Variants in KCNIP4 observed in about 807,000 individuals in gnomAD.
KCNIP4 encodes the protein Kv channel-interacting protein 4.
A neutral mutation model predicts 34.0 loss-of-function variants in KCNIP4; 12 were observed. The ratio of observed to expected loss-of-function variants is 0.35; its 90% CI spans 0.23 to 0.57. KCNIP4 has a LOEUF of 0.57. Ranked by LOEUF, KCNIP4 falls within the 20% of genes least tolerant of loss-of-function variation. The pLI is 0.83. For missense variants in KCNIP4, 238 were observed against 311.7 expected (o/e 0.76, Z 1.78); for synonymous variants, 124 against 102.2 (o/e 1.21, Z -1.29).
At chr4:21,509,205 C>G (rs1734102020) in intron 1 of KCNIP4, among the ~76,000 whole-genome samples, 1 of 152,130 alleles carries the variant, frequency 6.6e-6, no homozygotes, top group Non-Finnish European at 1.5e-5. Flanking sequence ...TGCTAACCAG[C>G]ATGTAAGGGG....
intron 1 of KCNIP4, among the ~76,000 whole-genome samples, chr4:21,947,059 C>T (rs950253185): frequency 6.6e-6 from 1 of 152,158 alleles, no homozygotes; most frequent in Admixed American, 6.5e-5. Flanking sequence ...GATCCTGAGA[C>T]GACATTCCTG....
intron 1 of KCNIP4, among the ~76,000 whole-genome samples, chr4:21,786,960 A>C (rs1381301736): frequency 6.6e-6 from 1 of 152,184 alleles, no homozygotes; most frequent in Non-Finnish European, 1.5e-5. Context: ...CATTTCTGCC[A>C]GGTGAAGGTA....
At chr4:21,895,743 A>G (rs1357572103) in intron 1 of KCNIP4, among the ~76,000 whole-genome samples, 17 of 152,226 alleles carry the variant, frequency 1.1e-4, no homozygotes, top group Admixed American at 1.1e-3. Context: ...ATGAACAAAA[A>G]GGAGCTAATT....
chr4:21,382,893 A>G (rs373867077), intron 1 of KCNIP4, among the ~76,000 whole-genome samples: 7 of 152,214 alleles, frequency 4.6e-5, no homozygotes, highest in African/African-American at 1.7e-4. Context: ...AACAGTGATT[A>G]CCACCATTTG....
intron 1 of KCNIP4, among the ~76,000 whole-genome samples, chr4:20,995,788 A>C (rs1737498768): frequency 6.6e-6 from 1 of 152,186 alleles, no homozygotes; most frequent in Non-Finnish European, 1.5e-5. Context: ...TGTGCAAAAA[A>C]ATGTTGACAC....
chr4:21,113,134 C>A (rs1488135448), intron 1 of KCNIP4, among the ~76,000 whole-genome samples: 3 of 152,160 alleles, frequency 2.0e-5, no homozygotes, highest in African/African-American at 7.2e-5. Flanking sequence ...AGAGAAGCTA[C>A]AATTACAGCA....
intron 1 of KCNIP4, among the ~76,000 whole-genome samples, chr4:21,553,977 C>CACA (rs1311796448): frequency 6.6e-6 from 1 of 152,028 alleles, no homozygotes; most frequent in Non-Finnish European, 1.5e-5. Context: ...GGGGAAGGGG[C>CACA]ACAATTCAAC....
chr4:20,893,523 AG>A (rs1726170862), intron 1 of KCNIP4, among the ~76,000 whole-genome samples: 1 of 151,978 alleles, frequency 6.6e-6, no homozygotes. Context: ...CCTGGGCTCA[AG>A]TGATCCTCCC....
chr4:21,624,048 G>A (rs974719412), intron 1 of KCNIP4, among the ~76,000 whole-genome samples: 1 of 152,074 alleles, frequency 6.6e-6, no homozygotes, highest in African/African-American at 2.4e-5. Context: ...CTCACTCCAG[G>A]CAGCAATTAG....
At chr4:21,408,737 G>C (rs1242747552) in intron 1 of KCNIP4, among the ~76,000 whole-genome samples, 1 of 152,156 alleles carries the variant, frequency 6.6e-6, no homozygotes, top group Non-Finnish European at 1.5e-5. Flanking sequence ...CCAAGTTGTG[G>C]GTCTTGATCA....
chr4:21,380,470 AGAGAGG>A (rs1721397774), intron 1 of KCNIP4, among the ~76,000 whole-genome samples: 1 of 149,010 alleles, frequency 6.7e-6, no homozygotes, highest in Admixed American at 6.7e-5. Flanking sequence ...AGAGAGAGAG[AGAGAGG>A]GAGAGAGAGA....
chr4:21,065,729 TATA>T (rs1560690213), intron 1 of KCNIP4, among the ~76,000 whole-genome samples: 785 of 34,814 alleles, frequency 0.023, 10 homozygotes, highest in African/African-American at 0.06. Context: ...CATTTGTCTA[TATA>T]TATATATATA....
At chr4:21,541,361 C>A (rs1209743083) in intron 1 of KCNIP4, among the ~76,000 whole-genome samples, 1 of 152,082 alleles carries the variant, frequency 6.6e-6, no homozygotes, top group Non-Finnish European at 1.5e-5. Context: ...CATTCCTATG[C>A]TGATAAACCT....
chr4:21,105,071 A>T (rs1240754711), intron 1 of KCNIP4, among the ~76,000 whole-genome samples: 2 of 151,586 alleles, frequency 1.3e-5, no homozygotes, highest in Non-Finnish European at 2.9e-5. Flanking sequence ...TTGACTTGGC[A>T]ATGTGGTCTC....
intron 1 of KCNIP4, among the ~76,000 whole-genome samples, chr4:21,171,996 T>C (rs192435962): frequency 2.0e-5 from 3 of 152,286 alleles, no homozygotes; most frequent in Non-Finnish European, 2.9e-5. Context: ...TACTGAGCAC[T>C]TACCATGTAA....
At chr4:21,581,389 C>T (rs540514249) in intron 1 of KCNIP4, among the ~76,000 whole-genome samples, 2 of 151,972 alleles carry the variant, frequency 1.3e-5, no homozygotes, top group African/African-American at 2.4e-5. Flanking sequence ...CCATACAAAA[C>T]GTATTGATCC....
chr4:21,354,276 AG>A (rs1230103855), intron 1 of KCNIP4, among the ~76,000 whole-genome samples: 1 of 152,226 alleles, frequency 6.6e-6, no homozygotes, highest in Non-Finnish European at 1.5e-5. Context: ...TCATAATGAC[AG>A]GATCAAATTC....
chr4:21,556,022 T>C (rs1194137047), intron 1 of KCNIP4, among the ~76,000 whole-genome samples: 2 of 152,134 alleles, frequency 1.3e-5, no homozygotes, highest in African/African-American at 4.8e-5. Context: ...AAGAGTATCT[T>C]TTGGTTTTTT....
At chr4:21,148,489 G>A (rs1163604960) in intron 1 of KCNIP4, among the ~76,000 whole-genome samples, 1 of 152,084 alleles carries the variant, frequency 6.6e-6, no homozygotes, top group African/African-American at 2.4e-5. Flanking sequence ...TTTATCCAAT[G>A]TCAAGGCATG....
Sources: gnomAD v4.1 joint callset for allele counts (sites outside exome capture counted in the v4.1 genomes callset) on GRCh38, gnomAD v4.1.1 for gene constraint, MANE v1.5 for transcripts, NCBI Gene and HGNC (gene_info 2026-07-23, HGNC 2026-07-21) for gene names.